Variants in GNG12 observed in about 807,000 individuals in gnomAD.
GNG12 encodes the protein G protein subunit gamma 12.
For synonymous variants in GNG12, 28 were observed against 29.7 expected, an observed-to-expected ratio of 0.94 and a Z score of 0.19; for missense variants, 69 against 83.8, an observed-to-expected ratio of 0.82 and a Z score of 0.69.
At chr1:67,786,753 C>G (rs1646769791) in intron 1 of GNG12, among the ~76,000 whole-genome samples, 1 of 151,894 alleles carries the variant, frequency 6.6e-6, no homozygotes, top group Admixed American at 6.6e-5. Context: ...GAAACCCCAT[C>G]TCTACTAAAA....
At chr1:67,762,909 A>T (rs1275182712) in intron 2 of GNG12, among the ~76,000 whole-genome samples, 1 of 152,070 alleles carries the variant, frequency 6.6e-6, no homozygotes, top group Non-Finnish European at 1.5e-5. Context: ...CTGCTGCACA[A>T]CTTTATATTT....
At chr1:67,795,447 C>T (rs1174128146) in intron 1 of GNG12, among the ~76,000 whole-genome samples, 2 of 152,170 alleles carry the variant, frequency 1.3e-5, no homozygotes, top group Admixed American at 6.5e-5. Context: ...GTGTTGAGTA[C>T]ACTCTGTGGC....
intron 1 of GNG12, among the ~76,000 whole-genome samples, chr1:67,803,990 G>C (rs892455422): frequency 6.6e-6 from 1 of 152,206 alleles, no homozygotes; most frequent in Admixed American, 6.5e-5. Context: ...CAACAGGATG[G>C]ATGGAGTCCA....
chr1:67,781,051 C>A lies in GNG12; in HGVS notation c.-76-3544G>T, dbSNP rs190547800. Among the ~76,000 whole-genome samples the A allele has an allele frequency of 2.6e-3, 391 of 152,304 alleles. 3 individuals carry two copies. The highest frequency in any genetic ancestry group is 0.014 in the Middle Eastern group (4 of 294). ...ATTTGAACTTGTAGAAGAATACTTTCCTCTAACAGTGAGAAAGGCAAAAAG... is the reference window on the plus strand; with the variant it reads ...ATTTGAACTTGTAGAAGAATACTTTACTCTAACAGTGAGAAAGGCAAAAAG... On this transcript the variant is annotated intron_variant, in intron 1 of 3. Transcript: ENST00000370982.
chr1:67,781,811 A>G (rs904043876), intron 1 of GNG12, among the ~76,000 whole-genome samples: 1 of 152,188 alleles, frequency 6.6e-6, no homozygotes, highest in African/African-American at 2.4e-5. Context: ...TGATGGTTTC[A>G]TTTACTCAGG....
intron 2 of GNG12, among the ~76,000 whole-genome samples, chr1:67,760,550 T>G (rs1646596744): frequency 6.6e-6 from 1 of 152,098 alleles, no homozygotes; most frequent in Non-Finnish European, 1.5e-5. Flanking sequence ...AAAAACCTGA[T>G]GGATCGTGTT....
At chr1:67,790,512 A>G (rs567602077) in intron 1 of GNG12, among the ~76,000 whole-genome samples, 1 of 151,998 alleles carries the variant, frequency 6.6e-6, no homozygotes, top group African/African-American at 2.4e-5. Flanking sequence ...TTCTGTGCCT[A>G]TCCCTTTTCC....
intron 2 of GNG12, among the ~76,000 whole-genome samples, chr1:67,765,502 G>A (rs1557609786): frequency 6.6e-6 from 1 of 152,106 alleles, no homozygotes; most frequent in Non-Finnish European, 1.5e-5. Flanking sequence ...GGTCAGATTT[G>A]GTAATTAAAA....
chr1:67,784,013 G>C (rs988121984), intron 1 of GNG12, among the ~76,000 whole-genome samples: 2 of 151,410 alleles, frequency 1.3e-5, no homozygotes, highest in Non-Finnish European at 2.9e-5. Flanking sequence ...AGACACATGT[G>C]CATGTATGTT....
intron 2 of GNG12, among the ~76,000 whole-genome samples, chr1:67,710,819 T>C (rs1390123758): frequency 6.6e-6 from 1 of 152,188 alleles, no homozygotes; most frequent in Non-Finnish European, 1.5e-5. Flanking sequence ...TCCCTTCCAA[T>C]GGGGTATTCC....
chr1:67,818,153 A>C (rs1249991290), intron 1 of GNG12, among the ~76,000 whole-genome samples: 1 of 152,142 alleles, frequency 6.6e-6, no homozygotes, highest in Non-Finnish European at 1.5e-5. Context: ...GACTGGTAGG[A>C]ATTTACTAGG....
intron 2 of GNG12, among the ~76,000 whole-genome samples, chr1:67,773,590 A>C (rs2100757657): frequency 6.6e-6 from 1 of 152,280 alleles, no homozygotes. Flanking sequence ...CTCAAAAGAG[A>C]AGGAGAGAGA....
At chr1:67,794,551 C>T (rs751993072) in intron 1 of GNG12, among the ~76,000 whole-genome samples, 1 of 152,136 alleles carries the variant, frequency 6.6e-6, no homozygotes, top group Non-Finnish European at 1.5e-5. Flanking sequence ...GAGCATAGGT[C>T]TTTCATGGCA....
At chr1:67,735,873 A>T (rs3766266) in intron 2 of GNG12, among the ~76,000 whole-genome samples, 1 of 152,162 alleles carries the variant, frequency 6.6e-6, no homozygotes, top group South Asian at 2.1e-4. Context: ...AATAGTTCAG[A>T]CAGAAAGTAT....
chr1:67,730,015 A>G (rs1444306802), intron 2 of GNG12, among the ~76,000 whole-genome samples: 3 of 152,238 alleles, frequency 2.0e-5, no homozygotes, highest in South Asian at 2.1e-4. Flanking sequence ...TATTTTCACC[A>G]AAAGACCAGG....
chr1:67,728,876 T>A (rs896020044), intron 2 of GNG12, among the ~76,000 whole-genome samples: 2 of 152,254 alleles, frequency 1.3e-5, no homozygotes, highest in Non-Finnish European at 1.5e-5. Context: ...GCAAGTTTTC[T>A]GGTTGAGTTA....
chr1:67,706,648 TTTTC>T (rs1046932496), intron 3 of GNG12, among the ~76,000 whole-genome samples: 9 of 105,468 alleles, frequency 8.5e-5, no homozygotes, highest in East Asian at 5.1e-4. Context: ...TTCTTTTTTC[TTTTC>T]TTTCTTTTTT....
At chr1:67,747,414 C>T (rs1228289385) in intron 2 of GNG12, among the ~76,000 whole-genome samples, 1 of 152,232 alleles carries the variant, frequency 6.6e-6, no homozygotes, top group African/African-American at 2.4e-5. Flanking sequence ...GCCACCGCGC[C>T]TAGCCCATAA....
At chr1:67,807,960 T>C (rs2100805144) in intron 1 of GNG12, among the ~76,000 whole-genome samples, 1 of 152,234 alleles carries the variant, frequency 6.6e-6, no homozygotes, top group East Asian at 1.9e-4. Context: ...TAACTCATTC[T>C]ATGAGGCTAA....
Sources: gnomAD v4.1 joint callset for allele counts (sites outside exome capture counted in the v4.1 genomes callset) on GRCh38, gnomAD v4.1.1 for gene constraint, MANE v1.5 for transcripts, NCBI Gene and HGNC (gene_info 2026-07-23, HGNC 2026-07-21) for gene names.